The following DLG2 variants were observed in gnomAD, a reference collection of about 807,000 sequenced individuals.
DLG2 encodes the protein discs large MAGUK scaffold protein 2.
In DLG2, 45 loss-of-function variants were observed where a neutral mutation model predicts 132.5. The observed-to-expected ratio is 0.34, with a 90% CI of 0.27 to 0.44. The LOEUF is 0.44. Among genes scored for constraint, DLG2 ranks in the 20% least tolerant of loss-of-function variants. The pLI, the probability that DLG2 is intolerant of heterozygous loss-of-function variation, is 1.00. For missense variants in DLG2, 1,045 were observed against 1,196.9 expected (o/e 0.87, Z 1.87); for synonymous variants, 424 against 419.6 (o/e 1.01, Z -0.13).
chr11:85,416,849 T>C (rs894130374), intron 3 of DLG2, among the ~76,000 whole-genome samples: 3 of 152,114 alleles, frequency 2.0e-5, no homozygotes, highest in African/African-American at 7.2e-5. Context: ...TCGGCTGAGA[T>C]GATGGGATTT....
chr11:85,043,066 T>C (rs999395545), intron 6 of DLG2, among the ~76,000 whole-genome samples: 2 of 151,868 alleles, frequency 1.3e-5, no homozygotes, highest in African/African-American at 4.8e-5. Flanking sequence ...TATCTTATTA[T>C]AGTCTTTGCA....
At chr11:84,312,812 G>T (rs117004067) in intron 7 of DLG2, among the ~76,000 whole-genome samples, 2,907 of 151,894 alleles carry the variant, frequency 0.019, 33 homozygotes, top group South Asian at 0.045. Flanking sequence ...ATTATTATTA[G>T]TAGTAGTATT....
At chr11:84,915,974 G>C (rs2092427697) in intron 6 of DLG2, among the ~76,000 whole-genome samples, 1 of 152,072 alleles carries the variant, frequency 6.6e-6, no homozygotes, top group South Asian at 2.1e-4. Flanking sequence ...GAAGAACTGA[G>C]ACCAAAAGAA....
At chr11:84,373,654 C>T (rs754361533) in intron 7 of DLG2, among the ~76,000 whole-genome samples, 1 of 151,990 alleles carries the variant, frequency 6.6e-6, no homozygotes, top group Middle Eastern at 3.2e-3. Flanking sequence ...AGGAAACTTG[C>T]TTATCAAATA....
chr11:84,734,567 A>G (rs1596851420), intron 6 of DLG2, among the ~76,000 whole-genome samples: 1 of 152,174 alleles, frequency 6.6e-6, no homozygotes, highest in Non-Finnish European at 1.5e-5. Flanking sequence ...TAGATATCCA[A>G]TCATGTCATC....
chr11:84,921,084 A>C (rs1326880010), intron 6 of DLG2, among the ~76,000 whole-genome samples: 1 of 149,180 alleles, frequency 6.7e-6, no homozygotes, highest in Non-Finnish European at 1.5e-5. Flanking sequence ...CACTTTTAAA[A>C]TGTAATATAA....
intron 7 of DLG2, among the ~76,000 whole-genome samples, chr11:84,319,631 A>G (rs922620449): frequency 3.9e-5 from 6 of 152,212 alleles, no homozygotes; most frequent in Admixed American, 2.6e-4. Context: ...ACACTACTCA[A>G]GATATTACAA....
chr11:85,320,601 G>C (rs922865418), intron 3 of DLG2, among the ~76,000 whole-genome samples: 1 of 151,820 alleles, frequency 6.6e-6, no homozygotes, highest in African/African-American at 2.4e-5. Flanking sequence ...GTGCTCTGGA[G>C]AAAAATTCAA....
chr11:85,267,079 T>G (rs938440800), intron 4 of DLG2, among the ~76,000 whole-genome samples: 3 of 152,228 alleles, frequency 2.0e-5, no homozygotes, highest in Non-Finnish European at 4.4e-5. Context: ...AAAATTCATA[T>G]GTTGAGATTC....
At chr11:83,895,429 G>C (rs900909770) in intron 15 of DLG2, among the ~76,000 whole-genome samples, 2 of 152,052 alleles carry the variant, frequency 1.3e-5, no homozygotes, top group Non-Finnish European at 2.9e-5. Context: ...CAAAGTGCTG[G>C]GATTACAGGC....
At chr11:84,064,246 C>T (rs2096636964) in intron 10 of DLG2, among the ~76,000 whole-genome samples, 1 of 152,092 alleles carries the variant, frequency 6.6e-6, no homozygotes, top group Non-Finnish European at 1.5e-5. Context: ...TAAAAATTCC[C>T]ATGCATTATG....
chr11:85,224,667 ATCT>A (rs1389535949), intron 4 of DLG2, among the ~76,000 whole-genome samples: 7 of 152,186 alleles, frequency 4.6e-5, no homozygotes, highest in East Asian at 1.9e-4. Context: ...TTATATTTTC[ATCT>A]TCTTTTTTTG....
intron 7 of DLG2, among the ~76,000 whole-genome samples, chr11:84,310,996 C>T (rs1031374103): frequency 7.2e-5 from 11 of 152,166 alleles, no homozygotes; most frequent in African/African-American, 2.7e-4. Flanking sequence ...ATTTCCTTAC[C>T]TCTAAATACA....
intron 2 of DLG2, among the ~76,000 whole-genome samples, chr11:85,619,571 T>A (rs949180180): frequency 6.6e-6 from 1 of 152,086 alleles, no homozygotes; most frequent in East Asian, 1.9e-4. Flanking sequence ...CAGTGGCTCA[T>A]GCCTGTAATC....
intron 3 of DLG2, among the ~76,000 whole-genome samples, chr11:85,445,402 G>T (rs1425436339): frequency 1.3e-5 from 2 of 152,200 alleles, no homozygotes; most frequent in African/African-American, 4.8e-5. Flanking sequence ...CACTGGCCGG[G>T]CGCGGTGGCT....
At chr11:85,350,395 A>C (rs945894655) in intron 3 of DLG2, among the ~76,000 whole-genome samples, 2 of 152,188 alleles carry the variant, frequency 1.3e-5, no homozygotes, top group Non-Finnish European at 2.9e-5. Context: ...TTTGCTGTGC[A>C]GGAGCTTTTT....
chr11:83,921,432 G>A (rs759138432), intron 15 of DLG2, among the ~76,000 whole-genome samples: 13 of 152,044 alleles, frequency 8.6e-5, no homozygotes, highest in African/African-American at 1.9e-4. Flanking sequence ...ACCATGTACC[G>A]TAATATTTCC....
chr11:85,275,162 A>C (rs1277082833), intron 4 of DLG2, among the ~76,000 whole-genome samples: 1 of 152,206 alleles, frequency 6.6e-6, no homozygotes, highest in African/African-American at 2.4e-5. Context: ...CCCTCAGCCC[A>C]ACAGAACTAT....
chr11:83,807,387 T>C (rs2046176395), intron 17 of DLG2, among the ~76,000 whole-genome samples: 1 of 152,144 alleles, frequency 6.6e-6, no homozygotes, highest in African/African-American at 2.4e-5. Context: ...ATTTAGCACA[T>C]AGAATTGCTG....
Sources: allele counts gnomAD v4.1 joint callset (sites outside exome capture counted in the v4.1 genomes callset), GRCh38; gene constraint gnomAD v4.1.1; transcripts MANE v1.5; gene names NCBI Gene and HGNC (gene_info 2026-07-23, HGNC 2026-07-21).